Variants in NR3C2 observed in about 807,000 individuals in gnomAD.
NR3C2 encodes nuclear receptor subfamily 3 group C member 2.
A neutral mutation model predicts 86.4 loss-of-function variants in NR3C2; 15 were observed. The ratio of observed to expected loss-of-function variants is 0.17; its 90% CI spans 0.12 to 0.27. The LOEUF (loss-of-function observed/expected upper bound fraction) is 0.27. Among genes scored for constraint, NR3C2 ranks in the 10% least tolerant of loss-of-function variants. NR3C2 has a pLI of 1.00. For missense variants in NR3C2, 960 were observed against 1,195.6 expected (o/e 0.80, Z 2.91); for synonymous variants, 458 against 450.5 (o/e 1.02, Z -0.21).
At chr4:148,276,498 T>G (rs6844424) in intron 2 of NR3C2, among the ~76,000 whole-genome samples, 16,586 of 152,190 alleles carry the variant, frequency 0.11, 1,907 homozygotes, top group African/African-American at 0.29. Context: ...AAAATTAAAC[T>G]AATACTGGTA....
At position 148,085,239 on chromosome 4, in the gene NR3C2, C is replaced by T. The variant is rs1023486798; in HGVS notation, c.2800-3740G>A. 5.3e-4 allele frequency among the ~76,000 whole-genome samples: 81 copies of T among 152,046 alleles called. 1 individual carries two copies. The highest frequency in any genetic ancestry group is 1.7e-3 in the African/African-American group (72 of 41,384). On this transcript the variant is annotated intron_variant, in intron 8 of 8. Coordinates refer to ENST00000358102, the MANE Select transcript of NR3C2 (RefSeq NM_000901.5). ...ATCGCACTTTTTCTAAAATTGACCA[C>T]GTAATTGGAAGTAAAACACTCCTTA...
Position 148,423,082 on chromosome 4 carries a change from C to G in NR3C2, c.1757+12022G>C, listed in dbSNP as rs574097012. On this transcript the variant is annotated intron_variant, in intron 2 of 8. Coordinates refer to ENST00000358102, the MANE Select transcript of NR3C2 (RefSeq NM_000901.5). ...TTTAAATTGTCTCTAGTATTTACCT[C>G]TCGCTCACCATCCCAACCAGTTGGG... is the stretch of plus-strand genomic sequence containing the variant. Among the ~76,000 whole-genome samples the G allele has an allele frequency of 3.3e-5, 5 of 152,236 alleles. No individual in the cohort carries two copies. The East Asian group carries it at 9.7e-4, about 29-fold the overall frequency.
At chr4:148,204,940 T>C (rs1736926486) in intron 3 of NR3C2, among the ~76,000 whole-genome samples, 1 of 152,234 alleles carries the variant, frequency 6.6e-6, no homozygotes, top group Admixed American at 6.5e-5. Flanking sequence ...AAATCCTACA[T>C]GCTGGGTTCT....
chr4:148,416,224 A>C (rs1256412288), intron 2 of NR3C2, among the ~76,000 whole-genome samples: 1 of 152,174 alleles, frequency 6.6e-6, no homozygotes, highest in Non-Finnish European at 1.5e-5. Flanking sequence ...ATCATACATA[A>C]ATCTTTTTCC....
At chr4:148,190,795 C>T (rs980163124) in intron 4 of NR3C2, among the ~76,000 whole-genome samples, 1 of 152,204 alleles carries the variant, frequency 6.6e-6, no homozygotes, top group Non-Finnish European at 1.5e-5. Context: ...AATAGCAACG[C>T]CTCTTTGCTT....
rs1285417414 is a variant in NR3C2 at position 148,436,336 on chromosome 4, G to A, written c.525C>T (p.Gly175=). The A allele has an allele frequency of 1.9e-6, 3 of 1,614,042 alleles. No individual in the cohort carries two copies. The highest frequency in any genetic ancestry group is 1.1e-5 in the South Asian group (1 of 91,086). ...GGCTTTTAACAACGGCGCGCATGAC[G>A]CCACCATTCACGGAGCTCCCAGAGT... ...MSDSGSSVNG[G]VMRAVVKSPI... Residue 175 remains glycine, a synonymous_variant, in exon 2 of 9, where the codon GGC becomes GGT. Transcript: ENST00000358102.
intron 2 of NR3C2, among the ~76,000 whole-genome samples, chr4:148,295,228 T>C (rs1170542446): frequency 6.6e-6 from 1 of 152,084 alleles, no homozygotes; most frequent in African/African-American, 2.4e-5. Flanking sequence ...AGATCTTTTT[T>C]TGGAAGTCAA....
chr4:148,177,356 C>T (rs1363563157), intron 4 of NR3C2, among the ~76,000 whole-genome samples: 2 of 152,122 alleles, frequency 1.3e-5, no homozygotes, highest in Non-Finnish European at 2.9e-5. Context: ...GAATATCATA[C>T]ATTTACTACT....
intron 2 of NR3C2, among the ~76,000 whole-genome samples, chr4:148,286,467 C>T (rs959786548): frequency 1.3e-5 from 2 of 152,160 alleles, no homozygotes; most frequent in Admixed American, 1.3e-4. Context: ...TGGATCTTCA[C>T]AATAACCATA....
intron 3 of NR3C2, among the ~76,000 whole-genome samples, chr4:148,240,872 T>G (rs1221430405): frequency 6.6e-6 from 1 of 152,182 alleles, no homozygotes. Flanking sequence ...GCAGAGCTGC[T>G]AAGTGCTGTG....
At chr4:148,158,899 T>C (rs1367741927) in intron 4 of NR3C2, among the ~76,000 whole-genome samples, 1 of 152,240 alleles carries the variant, frequency 6.6e-6, no homozygotes, top group African/African-American at 2.4e-5. Context: ...ATTTTGTGAA[T>C]ATATGTAGGA....
chr4:148,082,864 G>A (rs899808362), intron 8 of NR3C2, among the ~76,000 whole-genome samples: 1 of 152,072 alleles, frequency 6.6e-6, no homozygotes, highest in Non-Finnish European at 1.5e-5. Context: ...GTCGACCCGG[G>A]ATGCTCGAGC....
intron 2 of NR3C2, among the ~76,000 whole-genome samples, chr4:148,434,658 C>T (rs1749947872): frequency 6.6e-6 from 1 of 151,900 alleles, no homozygotes; most frequent in South Asian, 2.1e-4. Context: ...GCTTTCACAA[C>T]CGATGAAGTG....
chr4:148,092,443 C>G (rs532151613), intron 8 of NR3C2, among the ~76,000 whole-genome samples: 5 of 152,154 alleles, frequency 3.3e-5, no homozygotes, highest in Non-Finnish European at 7.3e-5. Context: ...CTTCATGTTT[C>G]TGCTGTGCAA....
rs1730407827 is a variant in NR3C2, at chr4:148,078,814, CAG to C, written c.*2528_*2529del. The C allele has an allele frequency of 6.6e-6, 1 of 152,578 alleles. No individual in the cohort carries two copies. The allele number at this position is 152,578 out of a possible 1,614,324, so 9.5% of individuals were successfully genotyped here. A position where few individuals can be genotyped will look rare whatever the true frequency, so the allele number is the denominator to read the frequency against. On this transcript the variant is annotated 3_prime_UTR_variant, in exon 9 of 9. Coordinates refer to ENST00000358102, the MANE Select transcript of NR3C2 (RefSeq NM_000901.5). ...ATCTGCTTACAGTCCTTTGCAAAGA[CAG>C]ACATATGTTTTTGCATAAAGATATA...
intron 4 of NR3C2, among the ~76,000 whole-genome samples, chr4:148,171,815 C>A (rs1735141498): frequency 6.6e-6 from 1 of 152,212 alleles, no homozygotes; most frequent in Non-Finnish European, 1.5e-5. Flanking sequence ...GTCTTAAACA[C>A]AGCACTGCTT....
intron 2 of NR3C2, among the ~76,000 whole-genome samples, chr4:148,376,291 T>A (rs1433076884): frequency 6.6e-6 from 1 of 152,076 alleles, no homozygotes; most frequent in Non-Finnish European, 1.5e-5. Flanking sequence ...CTGTGCCAGT[T>A]TACAGTATTT....
At chr4:148,378,583 T>C (rs1466770797) in intron 2 of NR3C2, among the ~76,000 whole-genome samples, 1 of 152,098 alleles carries the variant, frequency 6.6e-6, no homozygotes, top group African/African-American at 2.4e-5. Flanking sequence ...GACATTTGGT[T>C]GTTTAAAAGT....
chr4:148,200,883 C>A (rs953032233), intron 3 of NR3C2, among the ~76,000 whole-genome samples: 1 of 151,938 alleles, frequency 6.6e-6, no homozygotes, highest in Admixed American at 6.6e-5. Context: ...TACTAATACA[C>A]CACTTCTAAA....
Sources: gnomAD v4.1 joint callset for allele counts (sites outside exome capture counted in the v4.1 genomes callset) on GRCh38, gnomAD v4.1.1 for gene constraint, MANE v1.5 for transcripts, NCBI Gene and HGNC (gene_info 2026-07-23, HGNC 2026-07-21) for gene names.